Variants in AUH observed in about 807,000 individuals in gnomAD.
The protein encoded by AUH is AU RNA binding methylglutaconyl-CoA hydratase.
A neutral mutation model predicts 42.3 loss-of-function variants in AUH; 29 were observed. The ratio of observed to expected loss-of-function variants is 0.69; its 90% CI spans 0.51 to 0.93. AUH has a LOEUF of 0.93. AUH is among the 40% of genes least tolerant of loss of function. The probability of loss-of-function intolerance (pLI) is 0.00; values close to 1 mark genes in which losing one functional copy is unlikely to be tolerated. For synonymous variants in AUH, 174 were observed against 166.4 expected, an observed-to-expected ratio of 1.05 and a Z score of -0.35; for missense variants, 452 against 438.1, an observed-to-expected ratio of 1.03 and a Z score of -0.28.
chr9:91,361,627 C>G lies in AUH; in HGVS notation c.262+1G>C. On this transcript the variant is annotated splice_donor_variant, in intron 1 of 9. Transcript: ENST00000375731. LOFTEE classifies it high-confidence loss of function. ...GCGCCTGCCCAGCGTTCGCACCTCACCTCGGTTCTCCTCCTCCAGGTGCCG... is the reference window on the plus strand; with the variant it reads ...GCGCCTGCCCAGCGTTCGCACCTCAGCTCGGTTCTCCTCCTCCAGGTGCCG... 5 of 1,580,192 alleles carry G rather than the reference C, an allele frequency of 3.2e-6. No homozygotes were observed. The highest frequency in any genetic ancestry group is 2.3e-5 in the East Asian group (1 of 42,914).
intron 6 of AUH, among the ~76,000 whole-genome samples, chr9:91,242,815 T>C (rs1368081297): frequency 6.6e-6 from 1 of 152,164 alleles, no homozygotes; most frequent in African/African-American, 2.4e-5. Flanking sequence ...TATCAGATAG[T>C]AAAATATCAG....
intron 6 of AUH, among the ~76,000 whole-genome samples, chr9:91,261,140 T>C (rs1564040080): frequency 6.6e-6 from 1 of 152,200 alleles, no homozygotes; most frequent in Non-Finnish European, 1.5e-5. Context: ...TGGGTCGTAT[T>C]TTCCTGCTTC....
At chr9:91,278,919 G>T (rs564182306) in intron 6 of AUH, among the ~76,000 whole-genome samples, 2 of 152,224 alleles carry the variant, frequency 1.3e-5, no homozygotes, top group East Asian at 3.9e-4. Flanking sequence ...TTCCGTAAGG[G>T]ATAATAACAT....
At chr9:91,302,366 G>GA (rs1358227051) in intron 4 of AUH, among the ~76,000 whole-genome samples, 1 of 152,036 alleles carries the variant, frequency 6.6e-6, no homozygotes, top group Non-Finnish European at 1.5e-5. Context: ...GAGGCAGACA[G>GA]ATCACCTGAG....
At chr9:91,299,876 C>T (rs757405504) in intron 4 of AUH, among the ~76,000 whole-genome samples, 3 of 152,092 alleles carry the variant, frequency 2.0e-5, no homozygotes, top group East Asian at 3.9e-4. Flanking sequence ...AAGTCTCACC[C>T]GTCAGAAGCC....
At chr9:91,312,598 C>G (rs570229811) in intron 4 of AUH, among the ~76,000 whole-genome samples, 1 of 152,302 alleles carries the variant, frequency 6.6e-6, no homozygotes, top group Non-Finnish European at 1.5e-5. Flanking sequence ...TGGTGGCTCA[C>G]GCTTGTAGTT....
chr9:91,234,809 CA>C (rs1339914705), intron 6 of AUH, among the ~76,000 whole-genome samples: 2 of 148,386 alleles, frequency 1.3e-5, no homozygotes, highest in African/African-American at 5.0e-5. Context: ...GAGTGTTACA[CA>C]GAGAATTTCA....
At chr9:91,340,291 C>T (rs1469193057) in intron 3 of AUH, among the ~76,000 whole-genome samples, 1 of 152,044 alleles carries the variant, frequency 6.6e-6, no homozygotes, top group African/African-American at 2.4e-5. Context: ...AAAACAAAAC[C>T]AATTGACAGT....
intron 6 of AUH, among the ~76,000 whole-genome samples, chr9:91,265,518 C>T (rs969332842): frequency 6.6e-6 from 1 of 152,104 alleles, no homozygotes; most frequent in Non-Finnish European, 1.5e-5. Context: ...AAGATAGTAA[C>T]ACCAGGAGAG....
intron 6 of AUH, among the ~76,000 whole-genome samples, chr9:91,279,919 G>C (rs1029672639): frequency 6.6e-6 from 1 of 152,170 alleles, no homozygotes; most frequent in Non-Finnish European, 1.5e-5. Context: ...TTTTCTTAAA[G>C]GAATGTAAGC....
At chr9:91,295,801 A>G (rs999864503) in intron 6 of AUH, among the ~76,000 whole-genome samples, 2 of 152,184 alleles carry the variant, frequency 1.3e-5, no homozygotes, top group African/African-American at 4.8e-5. Flanking sequence ...GAAACCAAAA[A>G]ATTTGTGTGG....
intron 6 of AUH, among the ~76,000 whole-genome samples, chr9:91,285,910 T>C (rs1826364372): frequency 2.0e-5 from 3 of 152,162 alleles, no homozygotes; most frequent in Admixed American, 1.3e-4. Context: ...CCTGGGGAAG[T>C]GCTACACTAA....
intron 1 of AUH, among the ~76,000 whole-genome samples, chr9:91,357,322 G>A (rs927501615): frequency 6.6e-6 from 1 of 152,230 alleles, no homozygotes; most frequent in Non-Finnish European, 1.5e-5. Context: ...AAGAAATGGA[G>A]ACTTGGAGAG....
intron 8 of AUH, among the ~76,000 whole-genome samples, 184 bp from the exon 9 acceptor site, chr9:91,216,290 C>G (rs555608160): frequency 1.3e-5 from 2 of 152,290 alleles, no homozygotes; most frequent in South Asian, 4.1e-4. Flanking sequence ...CTGACTCCCT[C>G]ACTTGGGAGC....
At chr9:91,258,279 A>T (rs1389243707) in intron 6 of AUH, among the ~76,000 whole-genome samples, 1 of 152,202 alleles carries the variant, frequency 6.6e-6, no homozygotes, top group African/African-American at 2.4e-5. Context: ...CTTGTAGCCC[A>T]GGATGGAGTG....
chr9:91,275,241 G>C (rs1030993299), intron 6 of AUH, among the ~76,000 whole-genome samples: 1 of 152,184 alleles, frequency 6.6e-6, no homozygotes, highest in African/African-American at 2.4e-5. Context: ...ACAGAGCAAA[G>C]TTTCAGATCC....
At chr9:91,253,158 G>A (rs10991842) in intron 6 of AUH, among the ~76,000 whole-genome samples, 11,549 of 151,950 alleles carry the variant, frequency 0.076, 729 homozygotes, top group East Asian at 0.26. Flanking sequence ...TTGCAACCTC[G>A]GACTACATGA....
intron 4 of AUH, among the ~76,000 whole-genome samples, chr9:91,313,970 C>T (rs1313671764): frequency 2.0e-5 from 3 of 151,576 alleles, no homozygotes; most frequent in South Asian, 2.1e-4. Flanking sequence ...ATTACAGGCA[C>T]GTGCCACCAC....
chr9:91,282,753 C>T (rs1199987482), intron 6 of AUH, among the ~76,000 whole-genome samples: 3 of 152,120 alleles, frequency 2.0e-5, no homozygotes, highest in African/African-American at 4.8e-5. Context: ...CCTCCCAAGA[C>T]GAAACCAGGA....
Sources: gnomAD v4.1 joint callset for allele counts (sites outside exome capture counted in the v4.1 genomes callset) on GRCh38, gnomAD v4.1.1 for gene constraint, MANE v1.5 for transcripts, NCBI Gene and HGNC (gene_info 2026-07-23, HGNC 2026-07-21) for gene names.